The following AXIN1 variants were observed in gnomAD, a reference collection of about 807,000 sequenced individuals.
The protein encoded by AXIN1 is axin-1.
Under a neutral mutation model 76.4 loss-of-function variants are expected in AXIN1, and 30 were observed. The ratio of observed to expected loss-of-function variants is 0.39; its 90% CI spans 0.29 to 0.53. The LOEUF is 0.53. Among genes scored for constraint, AXIN1 ranks in the 20% least tolerant of loss-of-function variants. The pLI, the probability that AXIN1 is intolerant of heterozygous loss-of-function variation, is 0.66. For missense variants in AXIN1, 1,140 were observed against 1,198.8 expected, an observed-to-expected ratio of 0.95 and a Z score of 0.72; for synonymous variants, 545 against 501.4, an observed-to-expected ratio of 1.09 and a Z score of -1.16.
rs2054032929 is a variant in AXIN1, at chr16:346,306, G to T, written c.720C>A (p.Thr240=). The T allele has an allele frequency of 6.2e-7, 1 of 1,614,096 alleles. No individual in the cohort carries two copies. The highest frequency in any genetic ancestry group is 8.5e-7 in the Non-Finnish European group (1 of 1,180,054). ...ACTTCCATTCCTCATCTTCATTTAA[G>T]GTCGGCAGGTATCCAGATATGCCCT... ...TGKGISGYLP[T]LNEDEEWKCD... is the part of the protein sequence containing the mutation. Residue 240 remains threonine, a synonymous_variant, in exon 2 of 11, where the codon ACC becomes ACA. Transcript: ENST00000262320.
chr16:303,327 G>T (rs983639714), intron 5 of AXIN1, among the ~76,000 whole-genome samples: 1 of 152,152 alleles, frequency 6.6e-6, no homozygotes, highest in Non-Finnish European at 1.5e-5. Flanking sequence ...GTGGAACCTG[G>T]GATTCAATCT....
At chr16:305,042 C>T (rs1443025895) in intron 4 of AXIN1, among the ~76,000 whole-genome samples, 5 of 152,220 alleles carry the variant, frequency 3.3e-5, no homozygotes, top group African/African-American at 1.2e-4. Flanking sequence ...GCGCTCCCCA[C>T]CCACTTCAGA....
At chr16:326,884 T>C (rs149485861) in intron 2 of AXIN1, among the ~76,000 whole-genome samples, 1 of 151,930 alleles carries the variant, frequency 6.6e-6, no homozygotes, top group Non-Finnish European at 1.5e-5. Context: ...CTCACACCTG[T>C]AATCCCAACA....
chr16:316,948 A>T (rs2053316453), intron 2 of AXIN1, among the ~76,000 whole-genome samples: 1 of 152,190 alleles, frequency 6.6e-6, no homozygotes, highest in Non-Finnish European at 1.5e-5. Context: ...GGTCACAGTG[A>T]CACAAGATAA....
chr16:304,249 G>C (rs2141544203), intron 5 of AXIN1, 55 bp downstream of exon 5: 4 of 1,600,668 alleles, frequency 2.5e-6, no homozygotes, highest in Non-Finnish European at 3.4e-6. Flanking sequence ...CATCCCGGCG[G>C]CAAGAAAACA....
chr16:326,371 AAATAT>A (rs1161456035), intron 2 of AXIN1, among the ~76,000 whole-genome samples: 850 of 82,558 alleles, frequency 0.01, 8 homozygotes, highest in African/African-American at 0.028. Flanking sequence ...AAAAAAAAAA[AAATAT>A]ATATATATAT....
At chr16:341,207 C>T (rs575117740) in intron 2 of AXIN1, among the ~76,000 whole-genome samples, 15 of 152,376 alleles carry the variant, frequency 9.8e-5, no homozygotes, top group Non-Finnish European at 1.8e-4. Context: ...CTGTGGGAGC[C>T]CCTTTCTGGG....
chr16:301,196 G>A (rs1043035579), intron 5 of AXIN1, among the ~76,000 whole-genome samples: 6 of 151,962 alleles, frequency 3.9e-5, no homozygotes, highest in African/African-American at 1.2e-4. Context: ...GCGTGAACCC[G>A]GGAGGCAGAG....
chr16:337,984 T>C (rs2053841960), intron 2 of AXIN1, among the ~76,000 whole-genome samples: 1 of 151,912 alleles, frequency 6.6e-6, no homozygotes, highest in Non-Finnish European at 1.5e-5. Context: ...GAACCCTGAG[T>C]GGTTATTCTC....
chr16:322,012 A>G lies in AXIN1; in HGVS notation c.879-7329T>C, dbSNP rs559274086. On this transcript the variant is annotated intron_variant, in intron 2 of 10. Transcript: ENST00000262320. ...AACACACATCTGTGAGCCCTGGATGATAAGCCAGGAATGAGCCAATGAAAG... is the reference window on the plus strand; with the variant it reads ...AACACACATCTGTGAGCCCTGGATGGTAAGCCAGGAATGAGCCAATGAAAG... Among the ~76,000 whole-genome samples the G allele has an allele frequency of 3.9e-5, 6 of 152,362 alleles. No individual in the cohort carries two copies. In the South Asian group the frequency reaches 1.2e-3, roughly 32 times the overall value.
Position 332,098 on chromosome 16 carries a change from G to A in AXIN1, c.878+14050C>T, listed in dbSNP as rs117984680. Among the ~76,000 whole-genome samples the A allele has an allele frequency of 2.0e-5, 3 of 152,306 alleles. No individual in the cohort carries two copies. The East Asian group carries it at 5.8e-4, about 29-fold the overall frequency. The stretch of plus-strand genomic sequence containing the variant: ...GACGCCTGACACAGGCAGTGCGAGA[G>A]TCCACAGGTCGGCAGCCTTCAGCAG... On this transcript the variant is annotated intron_variant, in intron 2 of 10. Coordinates refer to ENST00000262320, the MANE Select transcript of AXIN1 (RefSeq NM_003502.4).
At chr16:304,113 G>A (rs779474736) in intron 5 of AXIN1, among the ~76,000 whole-genome samples, 191 bp downstream of exon 5, 3 of 152,198 alleles carry the variant, frequency 2.0e-5, no homozygotes, top group African/African-American at 4.8e-5. Flanking sequence ...GCATGGGGCC[G>A]CTGGGACATC....
intron 2 of AXIN1, among the ~76,000 whole-genome samples, chr16:314,888 C>G (rs566316566): frequency 2.0e-5 from 3 of 152,174 alleles, no homozygotes; most frequent in Admixed American, 6.5e-5. Context: ...ATTAAAGCAC[C>G]GGGCATCTTT....
chr16:301,826 C>G (rs113949113), intron 5 of AXIN1, among the ~76,000 whole-genome samples: 7 of 152,258 alleles, frequency 4.6e-5, no homozygotes, highest in Non-Finnish European at 7.4e-5. Flanking sequence ...AAAATGACAG[C>G]GGCCAACACG....
chr16:352,316 C>A (rs1389586527), intron 1 of AXIN1, 53 bp downstream of exon 1: 4 of 959,822 alleles, frequency 4.2e-6, no homozygotes, highest in Non-Finnish European at 4.9e-6. Flanking sequence ...TTCCGGGTCC[C>A]GCCCGCCCGG....
intron 10 of AXIN1, chr16:288,451 G>T (rs918111572): frequency 4.8e-5 from 36 of 754,228 alleles, no homozygotes; most frequent in Admixed American, 4.2e-4. Flanking sequence ...AGCCATGGGG[G>T]GTGAGTTCAC....
intron 2 of AXIN1, among the ~76,000 whole-genome samples, chr16:337,049 C>G (rs1372967589): frequency 7.0e-6 from 1 of 141,990 alleles, no homozygotes. Context: ...ACTGGGGAGG[C>G]TGAGGGAGGA....
chr16:297,328 G>T, intron 6 of AXIN1, 102 bp from the exon 7 acceptor site: 1 of 1,495,844 alleles, frequency 6.7e-7, no homozygotes, highest in Non-Finnish European at 9.1e-7. Context: ...AGGCTCCCGT[G>T]GTGCAGCCGC....
At chr16:341,535 T>C (rs2053921042) in intron 2 of AXIN1, among the ~76,000 whole-genome samples, 1 of 152,212 alleles carries the variant, frequency 6.6e-6, no homozygotes, top group Admixed American at 6.5e-5. Context: ...CCGCCATGCC[T>C]AAGCCCCCCA....
Sources: allele counts gnomAD v4.1 joint callset (sites outside exome capture counted in the v4.1 genomes callset), GRCh38; gene constraint gnomAD v4.1.1; transcripts MANE v1.5; gene names NCBI Gene and HGNC (gene_info 2026-07-23, HGNC 2026-07-21).